The following TMEM258 variants were observed in gnomAD, a reference collection of about 807,000 sequenced individuals.
TMEM258 encodes the protein dolichyl-diphosphooligosaccharide--protein glycosyltransferase subunit TMEM258.
In TMEM258, 11 loss-of-function variants were observed where a neutral mutation model predicts 9.9. The observed-to-expected ratio is 1.11, with a 90% confidence interval of 0.70 to 1.85. The LOEUF is 1.85. Among genes scored for constraint, TMEM258 ranks in the 40% most tolerant of loss-of-function variants. TMEM258 has a pLI of 0.00. For missense variants in TMEM258, 81 were observed against 99.7 expected, an observed-to-expected ratio of 0.81 and a Z score of 0.80; for synonymous variants, 40 against 39.1, an observed-to-expected ratio of 1.02 and a Z score of -0.09.
rs777785865 is a variant in TMEM258, at chr11:61,790,591, G to A, written c.15C>T (p.Ala5=). The stretch of plus-strand genomic sequence containing the variant: ...TCACTGGGCTGGTATATCTGCTCAT[G>A]GCCTCGAGCTCCTAGAGGAGGGAAA... MELE[A]MSRYTSPVNP... is the part of the protein sequence containing the mutation. Residue 5 remains alanine, a synonymous_variant, in exon 2 of 4, where the codon GCC becomes GCT. Transcript: ENST00000537328. 1.2e-6 allele frequency: 2 copies of A among 1,613,724 alleles called. No individual in the cohort carries two copies. Among genetic ancestry groups the A allele is most frequent in the Non-Finnish European group, 1.7e-6 (2 of 1,179,806 alleles).
In TMEM258 at chr11:61,790,573, G is replaced by A; in HGVS notation, c.33C>T (p.Ser11=). MELEAMSRYT[S]PVNPAVFPHL... is the part of the protein sequence containing the mutation. ...GGGGGAAGACAGCTGGGTTCACTGGGCTGGTATATCTGCTCATGGCCTCGA... is the reference window on the plus strand; with the variant it reads ...GGGGGAAGACAGCTGGGTTCACTGGACTGGTATATCTGCTCATGGCCTCGA... The change falls in exon 2 of 4, where the codon AGC becomes AGT. Residue 11 remains serine (S), a synonymous_variant. Transcript: ENST00000537328. 3 of 1,614,102 alleles carry A rather than the reference G, an allele frequency of 1.9e-6. No homozygotes were observed. Among genetic ancestry groups the A allele is most frequent in the East Asian group, 2.2e-5 (1 of 44,890 alleles).
At chr11:61,789,965 G>GTGCAGA in intron 2 of TMEM258, 44 bp from the exon 3 acceptor site, 1 of 1,593,810 alleles carries the variant, frequency 6.3e-7, no homozygotes, top group African/African-American at 1.3e-5. Context: ...GGACTGTGGA[G>GTGCAGA]TGCAGAGAGC....
At position 61,789,766 on chromosome 11, in the gene TMEM258, A is replaced by G. The variant is rs189886236; in HGVS notation, c.*10+19T>C. 1.7e-4 allele frequency: 268 copies of G among 1,599,576 alleles called. 4 individuals are homozygous for G. In the East Asian group the frequency reaches 5.7e-3, roughly 34 times the overall value. On this transcript the variant is annotated intron_variant, in intron 3 of 3. Transcript: ENST00000537328. ...CTGTGCCTTGGAGGCTCACGCATCC[A>G]TCCCATTGCAGCTCTTACCCTTGGG... is the stretch of plus-strand genomic sequence containing the variant.
At chr11:61,792,440 G>A in intron 1 of TMEM258, 116 bp downstream of exon 1, 1 of 1,465,534 alleles carries the variant, frequency 6.8e-7, no homozygotes, top group Non-Finnish European at 9.6e-7. Context: ...CCAAGCCGGA[G>A]GTTCCAGGAG....
intron 1 of TMEM258, among the ~76,000 whole-genome samples, chr11:61,791,103 G>A (rs1161152191): frequency 1.3e-5 from 2 of 151,934 alleles, no homozygotes; most frequent in East Asian, 3.9e-4. Flanking sequence ...AGGATTACAG[G>A]TGCGCACCAC....
chr11:61,790,117 A>C, intron 2 of TMEM258, 196 bp from the exon 3 acceptor site: 1 of 675,680 alleles, frequency 1.5e-6, no homozygotes. Context: ...TGAGACCCAG[A>C]GGAGTTAGGT....
chr11:61,790,095 C>A (rs1449523920), intron 2 of TMEM258, 174 bp from the exon 3 acceptor site: 10 of 766,430 alleles, frequency 1.3e-5, no homozygotes, highest in Non-Finnish European at 2.0e-5. Flanking sequence ...TGCTCCACTG[C>A]CATGAAGAAA....
Position 61,789,806 on chromosome 11 carries a change from T to C in TMEM258, c.229A>G (p.Ile77Val). The stretch of plus-strand genomic sequence containing the variant: ...TTACCCTTGGGTGCTCACACGTAGA[T>C]GCCAACCCAGAGCAGCAGGAAGAGG... ...GVLFLLLWVGIYV is the reference protein window; with the variant it reads ...GVLFLLLWVGVYV The change falls in exon 3 of 4, where the codon ATC becomes GTC. Residue 77 changes from isoleucine (I) to valine (V), a missense_variant. Ile to Val is a conservative substitution (Grantham distance 29, BLOSUM62 3). Coordinates refer to ENST00000537328, the MANE Select transcript of TMEM258 (RefSeq NM_014206.4). The C allele has an allele frequency of 1.2e-6, 2 of 1,613,156 alleles. No homozygotes were observed. The highest frequency in any genetic ancestry group is 1.7e-6 in the Non-Finnish European group (2 of 1,179,592).
At chr11:61,790,848 A>G (rs1249579417) in intron 1 of TMEM258, among the ~76,000 whole-genome samples, 1 of 152,214 alleles carries the variant, frequency 6.6e-6, no homozygotes, top group Non-Finnish European at 1.5e-5. Flanking sequence ...AAGTTTGCCT[A>G]CAATTTCCGG....
chr11:61,790,311 C>T lies in TMEM258; in HGVS notation c.113+182G>A, dbSNP rs1430977127. 6.3e-6 allele frequency: 4 copies of T among 638,946 alleles called. No homozygotes were observed. In the East Asian group the frequency reaches 1.1e-4, roughly 18 times the overall value. 39.6% of individuals were successfully genotyped at this position (638,946 alleles called of 1,614,324 possible). On this transcript the variant is annotated intron_variant, in intron 2 of 3. Coordinates refer to ENST00000537328, the MANE Select transcript of TMEM258 (RefSeq NM_014206.4). ...AATCCAAAGAACAAACTGAGCTCACCTGAACTTGGGAAATAAGGCTATAAC... is the reference window on the plus strand; with the variant it reads ...AATCCAAAGAACAAACTGAGCTCACTTGAACTTGGGAAATAAGGCTATAAC...
intron 1 of TMEM258, among the ~76,000 whole-genome samples, chr11:61,790,948 T>C (rs1338966358): frequency 1.3e-5 from 2 of 152,154 alleles, no homozygotes. Context: ...ATATCTTTTT[T>C]TTTTGACGGA....
Position 61,790,587 on chromosome 11 carries a change from T to C in TMEM258, c.19A>G (p.Ser7Gly). ...GGGTTCACTGGGCTGGTATATCTGC[T>C]CATGGCCTCGAGCTCCTAGAGGAGG... MELEAM[S>G]RYTSPVNPAV... The change falls in exon 2 of 4, where the codon AGC (serine) becomes GGC (glycine). Residue 7 changes from serine (S) to glycine (G), a missense_variant. Coordinates refer to ENST00000537328, the MANE Select transcript of TMEM258 (RefSeq NM_014206.4). 1 of 1,613,808 alleles carries C rather than the reference T, an allele frequency of 6.2e-7. No homozygotes were observed. The highest frequency in any genetic ancestry group is 8.5e-7 in the Non-Finnish European group (1 of 1,179,884).
chr11:61,790,617 G>A lies in TMEM258; in HGVS notation c.4-15C>T, dbSNP rs140608141. 1 of 1,606,518 alleles carries A rather than the reference G, an allele frequency of 6.2e-7. No individual in the cohort carries two copies. The highest frequency in any genetic ancestry group is 8.5e-7 in the Non-Finnish European group (1 of 1,174,526). On this transcript the variant is annotated splice_polypyrimidine_tract_variant and intron_variant, in intron 1 of 3. Coordinates refer to ENST00000537328, the MANE Select transcript of TMEM258 (RefSeq NM_014206.4). ...GCCTCGAGCTCCTAGAGGAGGGAAAGAGATCAGAGCTATCAAAGAATCCCA... is the reference window on the plus strand; with the variant it reads ...GCCTCGAGCTCCTAGAGGAGGGAAAAAGATCAGAGCTATCAAAGAATCCCA...
Position 61,789,460 on chromosome 11 carries a change from G to C in TMEM258, c.*11-225C>G, listed in dbSNP as rs566918450. ...GCTGACTTCCCAGCAGCCTCTCCAA[G>C]TCACTGGGGTCTGACTTCTAAGAAT... On this transcript the variant is annotated intron_variant, in intron 3 of 3. Transcript: ENST00000537328. Among the ~76,000 whole-genome samples, 5 of 152,256 alleles carry C rather than the reference G, an allele frequency of 3.3e-5. No individual in the cohort carries two copies. The South Asian group carries it at 1.0e-3, about 32-fold the overall frequency.
chr11:61,791,164 C>T (rs1218010625), intron 1 of TMEM258, among the ~76,000 whole-genome samples: 5 of 152,134 alleles, frequency 3.3e-5, no homozygotes, highest in Admixed American at 2.6e-4. Flanking sequence ...CCATGCTGGC[C>T]AGGATGGTCT....
chr11:61,789,930 A>G lies in TMEM258; in HGVS notation c.114-9T>C, dbSNP rs756855223. The G allele has an allele frequency of 3.7e-6, 6 of 1,611,934 alleles. No homozygotes were observed. In the East Asian group the frequency reaches 1.1e-4, roughly 30 times the overall value. On this transcript the variant is annotated splice_polypyrimidine_tract_variant and intron_variant, in intron 2 of 3. Transcript: ENST00000537328. ...TAGAGGTGACCTCGTAACTGGGCAC[A>G]GCAGTTAAGGCAAAGCGAAGGGGTG...
At chr11:61,789,947 G>A (rs533171443) in intron 2 of TMEM258, 26 bp from the exon 3 acceptor site, 44 of 1,607,406 alleles carry the variant, frequency 2.7e-5, no homozygotes, top group South Asian at 6.7e-5. Flanking sequence ...AAGGCAAAGC[G>A]AAGGGGTGGA....
chr11:61,790,549 G>C lies in TMEM258; in HGVS notation c.57C>G (p.Pro19=), dbSNP rs376390412. The C allele has an allele frequency of 3.5e-5, 56 of 1,614,038 alleles. 1 individual carries two copies. In the South Asian group the frequency reaches 4.8e-4, roughly 14 times the overall value. The part of the protein sequence containing the change: ...YTSPVNPAVF[P]HLTVVLLAIG... ...TGGCCAAAAGCACCACGGTCAGATG[G>C]GGGAAGACAGCTGGGTTCACTGGGC... The change falls in exon 2 of 4, where the codon CCC becomes CCG. Residue 19 remains proline (P), a synonymous_variant. Transcript: ENST00000537328.
At chr11:61,792,254 T>C (rs1478654585) in intron 1 of TMEM258, 26 of 463,282 alleles carry the variant, frequency 5.6e-5, no homozygotes, top group South Asian at 1.8e-4. Context: ...CATTGTAGGA[T>C]GGGCACGGGT....
Sources: gnomAD v4.1 joint callset for allele counts (sites outside exome capture counted in the v4.1 genomes callset) on GRCh38, gnomAD v4.1.1 for gene constraint, MANE v1.5 for transcripts, NCBI Gene and HGNC (gene_info 2026-07-23, HGNC 2026-07-21) for gene names.